The following SCRT2 variants were observed in gnomAD, a reference collection of about 807,000 sequenced individuals.
SCRT2 encodes scratch family transcriptional repressor 2, also known as transcriptional repressor scratch 2.
SCRT2 carries 2 observed loss-of-function variants against 3.7 expected under a neutral mutation model. The ratio of observed to expected loss-of-function variants is 0.54; its 90% confidence interval spans 0.22 to 1.70. The LOEUF (loss-of-function observed/expected upper bound fraction) is 1.70, where lower values mean the gene tolerates loss of function less well. Among genes scored for constraint, SCRT2 ranks in the 40% most tolerant of loss-of-function variants. The pLI, the probability that SCRT2 is intolerant of heterozygous loss-of-function variation, is 0.19. For synonymous variants in SCRT2, 256 were observed against 220.6 expected (o/e 1.16, Z -1.42); for missense variants, 456 against 468.5 (o/e 0.97, Z 0.25).
rs1600472804 is a variant in SCRT2 at position 667,244 on chromosome 20, G to T, written c.134-2783C>A. On this transcript the variant is annotated intron_variant, in intron 1 of 1. Transcript: ENST00000246104. This position sits in a 1 kb window ranked among gnomAD's most constrained non-coding sequence, Gnocchi z 4.4. ...ACCCCCATGACACACAAGGTGGTAG[G>T]TACCCTTTTATAGAAGAGGAAACCA... Among the ~76,000 whole-genome samples the T allele has an allele frequency of 6.6e-6, 1 of 152,156 alleles. No homozygotes were observed. The highest frequency in any genetic ancestry group is 2.4e-5 in the African/African-American group (1 of 41,424).
chr20:669,203 A>G (rs1343997876), intron 1 of SCRT2, among the ~76,000 whole-genome samples: 4 of 152,162 alleles, frequency 2.6e-5, no homozygotes, highest in African/African-American at 4.8e-5. Flanking sequence ...TCTTGTAAGT[A>G]TTTGTAAATC....
rs921309008 is a variant in SCRT2 at position 663,403 on chromosome 20, G to C, written c.*268C>G. The C allele has an allele frequency of 2.7e-6, 1 of 364,858 alleles. No homozygotes were observed. Among genetic ancestry groups the C allele is most frequent in the Non-Finnish European group, 4.8e-6 (1 of 206,650 alleles). The allele number at this position is 364,858 out of a possible 1,614,324, so 22.6% of individuals were successfully genotyped here. ...GGTGCGGACCTGGTGCCTGAGTTGGGAGCCTTGAAGGCGCGGACAGGGGGG... is the reference window on the plus strand; with the variant it reads ...GGTGCGGACCTGGTGCCTGAGTTGGCAGCCTTGAAGGCGCGGACAGGGGGG... On this transcript the variant is annotated 3_prime_UTR_variant, in exon 2 of 2. Coordinates refer to ENST00000246104, the MANE Select transcript of SCRT2 (RefSeq NM_033129.4). This position sits in a 1 kb window ranked among gnomAD's most constrained non-coding sequence, Gnocchi z 6.9.
intron 1 of SCRT2, among the ~76,000 whole-genome samples, chr20:674,535 A>G (rs759768998): frequency 7.9e-5 from 12 of 151,882 alleles, no homozygotes; most frequent in Admixed American, 5.2e-4. Flanking sequence ...TCAGGGGAGA[A>G]CCCCTTTGTG....
At chr20:668,835 C>A (rs1984238937) in intron 1 of SCRT2, among the ~76,000 whole-genome samples, 1 of 152,218 alleles carries the variant, frequency 6.6e-6, no homozygotes, top group Non-Finnish European at 1.5e-5. Flanking sequence ...AGCTGCCTGA[C>A]CCCCTGCGGG....
Position 666,104 on chromosome 20 carries a change from C to A in SCRT2, c.134-1643G>T, listed in dbSNP as rs1984145676. 6.6e-6 allele frequency among the ~76,000 whole-genome samples: 1 copy of A among 152,148 alleles called. No individual in the cohort carries two copies. Among genetic ancestry groups the A allele is most frequent in the Non-Finnish European group, 1.5e-5 (1 of 68,034 alleles). On this transcript the variant is annotated intron_variant, in intron 1 of 1. Transcript: ENST00000246104. This position sits in a 1 kb window ranked among gnomAD's most constrained non-coding sequence, Gnocchi z 4.4. ...TGTCCCTTCAGCAGCCAGCACAGGG[C>A]CCTCTGCACACAGAAGTCATTGTGG... is the stretch of plus-strand genomic sequence containing the variant.
chr20:674,417 A>T (rs368319260), intron 1 of SCRT2, among the ~76,000 whole-genome samples: 29,573 of 136,672 alleles, frequency 0.22, 3,956 homozygotes, highest in Non-Finnish European at 0.29. Context: ...ACACACACAC[A>T]CACACACACA....
rs575428207 is a variant in SCRT2 at position 663,616 on chromosome 20, G to C, written c.*55C>G. The C allele has an allele frequency of 1.5e-6, 2 of 1,308,808 alleles. No homozygotes were observed. The highest frequency in any genetic ancestry group is 6.3e-5 in the East Asian group (2 of 31,544). The allele number at this position is 1,308,808 out of a possible 1,614,324, so 81.1% of individuals were successfully genotyped here. On this transcript the variant is annotated 3_prime_UTR_variant, in exon 2 of 2. Transcript: ENST00000246104. The surrounding 1 kb of genome is among the most constrained non-coding windows in gnomAD (Gnocchi z 6.9). ...GGCGAGGGCGCTGCGGGCGCAGGTA[G>C]GGGGCCCGGGGCGCGTGGAGAGCGA...
chr20:672,592 C>T (rs1452107650), intron 1 of SCRT2, among the ~76,000 whole-genome samples: 1 of 151,640 alleles, frequency 6.6e-6, no homozygotes, highest in African/African-American at 2.4e-5. Flanking sequence ...GCTCCCCCAA[C>T]CCCTGCTCCC....
chr20:664,642 A>T lies in SCRT2; in HGVS notation c.134-181T>A, dbSNP rs559226147. 5.3e-5 allele frequency among the ~76,000 whole-genome samples: 8 copies of T among 152,244 alleles called. No individual in the cohort carries two copies. In the South Asian group the frequency reaches 1.7e-3, roughly 32 times the overall value. ...CAGCCTGGGTTCAATTCCTTCCTCC[A>T]TCGACGGCAGTGCAAATAGCCGCCA... is the stretch of plus-strand genomic sequence containing the variant. On this transcript the variant is annotated intron_variant, in intron 1 of 1. Transcript: ENST00000246104. The surrounding 1 kb of genome is among the most constrained non-coding windows in gnomAD (Gnocchi z 7.9).
In SCRT2 at chr20:664,190, C is replaced by A. The variant is rs1328400639; in HGVS notation, c.405G>T (p.Ala135=). The A allele has an allele frequency of 5.5e-6, 6 of 1,082,016 alleles. No individual in the cohort carries two copies. Among genetic ancestry groups the A allele is most frequent in the Admixed American group, 5.4e-5 (1 of 18,686 alleles). The allele number at this position is 1,082,016 out of a possible 1,614,324, so 67.0% of individuals were successfully genotyped here. The change falls in exon 2 of 2, where the codon GCG becomes GCT. Residue 135 remains alanine, a synonymous_variant. Coordinates refer to ENST00000246104, the MANE Select transcript of SCRT2 (RefSeq NM_033129.4). The surrounding 1 kb of genome is among the most constrained non-coding windows in gnomAD (Gnocchi z 7.9). ...GGGDAGGSGD[A]GGAGGRAGRA... is the part of the protein sequence containing the mutation. Reference sequence around the variant, plus strand: ...GCCCCGCGCGCCCCCCGGCGCCCCCCGCGTCTCCCGAGCCCCCCGCGTCCC... The same window carrying A: ...GCCCCGCGCGCCCCCCGGCGCCCCCAGCGTCTCCCGAGCCCCCCGCGTCCC...
intron 1 of SCRT2, among the ~76,000 whole-genome samples, chr20:671,347 C>G (rs1984324633): frequency 6.6e-6 from 1 of 152,186 alleles, no homozygotes; most frequent in East Asian, 1.9e-4. Context: ...TGGACCTTGA[C>G]CTAGACTTTG....
intron 1 of SCRT2, among the ~76,000 whole-genome samples, chr20:673,298 C>T (rs192211077): frequency 6.6e-6 from 1 of 152,356 alleles, no homozygotes; most frequent in African/African-American, 2.4e-5. Flanking sequence ...GTGCAGGCAT[C>T]TCCAGTGCCT....
chr20:667,367 G>A lies in SCRT2; in HGVS notation c.134-2906C>T, dbSNP rs565642701. On this transcript the variant is annotated intron_variant, in intron 1 of 1. Transcript: ENST00000246104. The surrounding 1 kb of genome is among the most constrained non-coding windows in gnomAD (Gnocchi z 4.4). ...GGCTGGCACATTTTAAATCCACCACGCATGTTGGCTGTTATTATGAACAAT... is the reference window on the plus strand; with the variant it reads ...GGCTGGCACATTTTAAATCCACCACACATGTTGGCTGTTATTATGAACAAT... 9.6e-4 allele frequency among the ~76,000 whole-genome samples: 146 copies of A among 152,248 alleles called. 2 individuals are homozygous for A. Among genetic ancestry groups the A allele is most frequent in the South Asian group, 8.1e-3 (39 of 4,824 alleles).
At chr20:668,619 G>A (rs1343315905) in intron 1 of SCRT2, among the ~76,000 whole-genome samples, 2 of 152,196 alleles carry the variant, frequency 1.3e-5, no homozygotes, top group Admixed American at 6.5e-5. Flanking sequence ...CCCCTGTCAT[G>A]TAGGGATATG....
rs575945466 is a variant in SCRT2 at position 663,612 on chromosome 20, G to C, written c.*59C>G. ...GCTGGGCGAGGGCGCTGCGGGCGCA[G>C]GTAGGGGGCCCGGGGCGCGTGGAGA... On this transcript the variant is annotated 3_prime_UTR_variant, in exon 2 of 2. Coordinates refer to ENST00000246104, the MANE Select transcript of SCRT2 (RefSeq NM_033129.4). This position sits in a 1 kb window ranked among gnomAD's most constrained non-coding sequence, Gnocchi z 6.9. 1,533 of 1,303,854 alleles carry C rather than the reference G, an allele frequency of 1.2e-3. 2 individuals are homozygous for C. Among genetic ancestry groups the C allele is most frequent in the Non-Finnish European group, 1.4e-3 (1,485 of 1,028,298 alleles). The allele number at this position is 1,303,854 out of a possible 1,614,324, so 80.8% of individuals were successfully genotyped here.
intron 1 of SCRT2, among the ~76,000 whole-genome samples, chr20:674,395 TCTCTCACACACACACACA>T (rs1375606031): frequency 4.1e-5 from 4 of 98,184 alleles, no homozygotes; most frequent in East Asian, 4.8e-4. Context: ...TCTCTCTCTC[TCTCTCACACACACACACA>T]CACACACACA....
At chr20:673,757 A>G (rs1039069953) in intron 1 of SCRT2, among the ~76,000 whole-genome samples, 3 of 152,154 alleles carry the variant, frequency 2.0e-5, no homozygotes, top group African/African-American at 7.2e-5. Context: ...TTGGCTGTGC[A>G]TGGGAAATTC....
At chr20:674,827 C>T (rs953557876) in intron 1 of SCRT2, among the ~76,000 whole-genome samples, 2 of 151,900 alleles carry the variant, frequency 1.3e-5, no homozygotes, top group Non-Finnish European at 2.9e-5. Context: ...ATCCAGGGGA[C>T]CAGGAGCCAC....
At chr20:671,678 GC>G (rs953825196) in intron 1 of SCRT2, among the ~76,000 whole-genome samples, 1 of 152,230 alleles carries the variant, frequency 6.6e-6, no homozygotes, top group Non-Finnish European at 1.5e-5. Flanking sequence ...AATGTGGTCA[GC>G]TAGATAAGCC....
Sources: gnomAD v4.1 joint callset for allele counts (sites outside exome capture counted in the v4.1 genomes callset) on GRCh38, gnomAD v4.1.1 for gene constraint, Gnocchi (gnomAD v3.1) non-coding constraint, MANE v1.5 for transcripts, NCBI Gene and HGNC (gene_info 2026-07-23, HGNC 2026-07-21) for gene names.